The following MRPL34 variants were observed in gnomAD, a reference collection of about 807,000 sequenced individuals.
MRPL34 encodes large ribosomal subunit protein bL34m.
Under a neutral mutation model 6.7 loss-of-function variants are expected in MRPL34, and 8 were observed. The ratio of observed to expected loss-of-function variants is 1.20; its 90% CI spans 0.70 to 2.16. The LOEUF (loss-of-function observed/expected upper bound fraction) is 2.16, where lower values mean the gene tolerates loss of function less well. MRPL34 is among the 30% of genes most tolerant of loss of function. The probability of loss-of-function intolerance (pLI) is 0.00; values close to 1 mark genes in which losing one functional copy is unlikely to be tolerated. For missense variants in MRPL34, 146 were observed against 125.5 expected (o/e 1.16, Z -0.78); for synonymous variants, 59 against 55.1 (o/e 1.07, Z -0.31).
At chr19:17,299,852 C>G (rs1257287363), upstream of MRPL34, among the ~76,000 whole-genome samples, 1 of 151,338 alleles carries the variant, frequency 6.6e-6, no homozygotes, top group Non-Finnish European at 1.5e-5. Context: ...CTCCAATGAT[C>G]CATCCACAAA....
At chr19:17,298,662 A>C (rs2074103485), upstream of MRPL34, among the ~76,000 whole-genome samples, 2 of 151,992 alleles carry the variant, frequency 1.3e-5, no homozygotes, top group Non-Finnish European at 2.9e-5. Context: ...GGATGCTACT[A>C]AACATCCTAT....
upstream of MRPL34, among the ~76,000 whole-genome samples, chr19:17,305,491 G>A (rs1382244557): frequency 6.6e-6 from 1 of 152,192 alleles, no homozygotes. Flanking sequence ...CATCTGCCCA[G>A]CTCCCGCTGG....
intron 1 of MRPL34, among the ~76,000 whole-genome samples, chr19:17,297,307 T>G (rs1297971968): frequency 6.6e-6 from 1 of 152,044 alleles, no homozygotes; most frequent in Non-Finnish European, 1.5e-5. Flanking sequence ...TTTTTTGTTT[T>G]TTTCTCGAGA....
rs573447367 is a variant in MRPL34, at chr19:17,306,056, C to T, written c.65+99C>T. The T allele has an allele frequency of 2.0e-5, 31 of 1,545,342 alleles. 1 individual carries two copies. Among genetic ancestry groups the T allele is most frequent in the East Asian group, 9.1e-5 (4 of 43,844 alleles). ...GCCCGCGTGACCTGCCAGTGCCTTG[C>T]GCATTTTGCAGCCAGGCTCTGTCTC... On this transcript the variant is annotated intron_variant, in intron 1 of 1. Transcript: ENST00000252602.
chr19:17,304,790 T>C (rs574982685), upstream of MRPL34, among the ~76,000 whole-genome samples: 3 of 62,602 alleles, frequency 4.8e-5, no homozygotes, highest in South Asian at 6.1e-4. Context: ...AGACGACTCC[T>C]TTTTTTTTTG....
chr19:17,294,228 C>T, intron 1 of MRPL34: 2 of 1,559,542 alleles, frequency 1.3e-6, no homozygotes, highest in South Asian at 2.3e-5. Context: ...AGAGGCCACG[C>T]CCCTCCCGGG....
chr19:17,304,724 T>C (rs1353573844), upstream of MRPL34, among the ~76,000 whole-genome samples: 1 of 151,960 alleles, frequency 6.6e-6, no homozygotes, highest in Non-Finnish European at 1.5e-5. Context: ...CCCTTGAACT[T>C]GGGGGAGAGT....
rs1599529583 is a variant in MRPL34 at position 17,306,582 on chromosome 19, C to G, written c.*203C>G. On this transcript the variant is annotated 3_prime_UTR_variant, in exon 2 of 2. Coordinates refer to ENST00000252602, the MANE Select transcript of MRPL34 (RefSeq NM_023937.4). ...TAGGAAGCATTTCGAACCTGCGCAACAGACCAAAGAACAGTACAAAGAACA... is the reference window on the plus strand; with the variant it reads ...TAGGAAGCATTTCGAACCTGCGCAAGAGACCAAAGAACAGTACAAAGAACA... 1.8e-6 allele frequency: 1 copy of G among 549,342 alleles called. No individual in the cohort carries two copies. Among genetic ancestry groups the G allele is most frequent in the East Asian group, 3.2e-5 (1 of 31,200 alleles). 34.0% of individuals were successfully genotyped at this position (549,342 alleles called of 1,614,324 possible). A position where few individuals can be genotyped will look rare whatever the true frequency, so the allele number is the denominator to read the frequency against.
chr19:17,298,866 G>A (rs1039976429), upstream of MRPL34, among the ~76,000 whole-genome samples: 2 of 146,072 alleles, frequency 1.4e-5, no homozygotes, highest in African/African-American at 5.0e-5. Context: ...TCACACCCCC[G>A]AGTAGCTGGG....
At chr19:17,302,878 C>T (rs1034058258), upstream of MRPL34, 1 of 152,426 alleles carries the variant, frequency 6.6e-6, no homozygotes, top group African/African-American at 2.4e-5. Context: ...GTGTCTAGGG[C>T]CTGGAGATGG....
chr19:17,292,632 C>T lies in MRPL34; in HGVS notation c.-9C>T, dbSNP rs933439322. 4 of 1,589,834 alleles carry T rather than the reference C, an allele frequency of 2.5e-6. No homozygotes were observed. In the African/African-American group the frequency reaches 5.4e-5, roughly 21 times the overall value. Reference sequence around the variant, plus strand: ...GGCCTCCTCCTGCTGCGGCTGTGCTCACCAAGCGATGCCCCGCCGGCCCAG... The same window carrying T: ...GGCCTCCTCCTGCTGCGGCTGTGCTTACCAAGCGATGCCCCGCCGGCCCAG... On this transcript the variant is annotated 5_prime_UTR_variant, in exon 1 of 3. Transcript: ENST00000595444.
upstream of MRPL34, chr19:17,303,602 A>C (rs1194117919): frequency 1.3e-5 from 2 of 151,934 alleles, no homozygotes; most frequent in Non-Finnish European, 2.9e-5. Flanking sequence ...AGGTTGGGGG[A>C]GGGATGGGGC....
Position 17,306,560 on chromosome 19 carries a change from G to A in MRPL34, c.*181G>A, listed in dbSNP as rs1019188556. 2.7e-5 allele frequency: 16 copies of A among 582,574 alleles called. No homozygotes were observed. The highest frequency in any genetic ancestry group is 2.7e-4 in the African/African-American group (14 of 52,472). The allele number at this position is 582,574 out of a possible 1,614,324, so 36.1% of individuals were successfully genotyped here. ...GTCCCTTTTTAGGCTTTTTAATTAG[G>A]AAGCATTTCGAACCTGCGCAACAGA... On this transcript the variant is annotated 3_prime_UTR_variant, in exon 2 of 2. Coordinates refer to ENST00000252602, the MANE Select transcript of MRPL34 (RefSeq NM_023937.4).
upstream of MRPL34, among the ~76,000 whole-genome samples, chr19:17,304,244 C>T (rs561507355): frequency 6.6e-6 from 1 of 152,324 alleles, no homozygotes; most frequent in Non-Finnish European, 1.5e-5. Flanking sequence ...GTGGTACCGG[C>T]GGGGCCATGG....
In MRPL34 at chr19:17,293,933, A is replaced by G. The variant is rs1385236695; in HGVS notation, c.214+1079A>G. ...CTGAACTCGCTAATTAGAGTTTCTA[A>G]TCTAAAGATCCCCTGGTGCCGGTCT... On this transcript the variant is annotated intron_variant, in intron 1 of 2. Coordinates refer to the MRPL34 transcript ENST00000595444. Among the ~76,000 whole-genome samples, 6 of 152,194 alleles carry G rather than the reference A, an allele frequency of 3.9e-5. No individual in the cohort carries two copies. In the East Asian group the frequency reaches 7.7e-4, roughly 20 times the overall value.
At chr19:17,305,589 G>C (rs574441113), upstream of MRPL34, 34 of 416,044 alleles carry the variant, frequency 8.2e-5, no homozygotes, top group African/African-American at 6.0e-4. Flanking sequence ...CAATAGGAGA[G>C]AGAACTACAG....
upstream of MRPL34, among the ~76,000 whole-genome samples, chr19:17,300,001 C>T (rs7359871): frequency 0.71 from 106,981 of 150,924 alleles, 39,256 homozygotes; most frequent in African/African-American, 0.85. Flanking sequence ...GTCTCCCGTG[C>T]TCATGCCATT....
upstream of MRPL34, among the ~76,000 whole-genome samples, chr19:17,303,957 C>T (rs73511851): frequency 0.01 from 1,576 of 152,166 alleles, 26 homozygotes; most frequent in African/African-American, 0.036. Flanking sequence ...TAACCTCCCC[C>T]CTACGCCCCC....
chr19:17,303,685 C>G (rs924381969), upstream of MRPL34, among the ~76,000 whole-genome samples: 1 of 152,182 alleles, frequency 6.6e-6, no homozygotes, highest in African/African-American at 2.4e-5. Flanking sequence ...CCGGGGCCCT[C>G]TCTCTGCAAA....
Sources: allele counts gnomAD v4.1 joint callset (sites outside exome capture counted in the v4.1 genomes callset), GRCh38; gene constraint gnomAD v4.1.1; transcripts MANE v1.5; gene names NCBI Gene and HGNC (gene_info 2026-07-23, HGNC 2026-07-21).